Variants in XKR6 observed in about 807,000 individuals in gnomAD.
XKR6 encodes the protein XK-related protein 6.
A neutral mutation model predicts 56.7 loss-of-function variants in XKR6; 22 were observed. That is an observed-to-expected ratio of 0.39 (90% CI 0.28 to 0.55). XKR6 has a LOEUF of 0.55. XKR6 is among the 20% of genes least tolerant of loss of function. The probability of loss-of-function intolerance (pLI) is 0.66; values close to 1 mark genes in which losing one functional copy is unlikely to be tolerated. For missense variants in XKR6, 852 were observed against 889.0 expected, an observed-to-expected ratio of 0.96 and a Z score of 0.53; for synonymous variants, 524 against 387.8, an observed-to-expected ratio of 1.35 and a Z score of -4.13.
intron 1 of XKR6, among the ~76,000 whole-genome samples, chr8:10,962,972 T>C (rs1232877806): frequency 6.6e-6 from 1 of 152,224 alleles, no homozygotes; most frequent in Non-Finnish European, 1.5e-5. Flanking sequence ...TGGCCCCTTT[T>C]TGAATCTCTA....
At chr8:10,941,072 A>T (rs1457892169) in intron 1 of XKR6, among the ~76,000 whole-genome samples, 1 of 151,950 alleles carries the variant, frequency 6.6e-6, no homozygotes, top group Non-Finnish European at 1.5e-5. Flanking sequence ...CCTGGAGGAG[A>T]CTCAGTGGAG....
chr8:10,946,177 C>A (rs557019829), intron 1 of XKR6, among the ~76,000 whole-genome samples: 1 of 152,108 alleles, frequency 6.6e-6, no homozygotes, highest in South Asian at 2.1e-4. Flanking sequence ...TGCCGGGACC[C>A]AAGTAGCCTA....
intron 1 of XKR6, among the ~76,000 whole-genome samples, chr8:10,996,782 G>T (rs569806593): frequency 1.4e-4 from 21 of 152,112 alleles, no homozygotes; most frequent in Non-Finnish European, 2.4e-4. Context: ...AGGGGCCAAG[G>T]TGGGAGGATC....
chr8:11,099,543 T>C (rs1221106479), intron 1 of XKR6, among the ~76,000 whole-genome samples: 1 of 152,172 alleles, frequency 6.6e-6, no homozygotes. Flanking sequence ...AGTCGCTGGA[T>C]TTTTTTCATA....
chr8:11,078,114 C>T (rs1173548682), intron 1 of XKR6, among the ~76,000 whole-genome samples: 1 of 152,166 alleles, frequency 6.6e-6, no homozygotes, highest in African/African-American at 2.4e-5. Context: ...TGGTGCCTGA[C>T]TCTAGGATTT....
chr8:11,136,472 C>G (rs1800405800), intron 1 of XKR6, among the ~76,000 whole-genome samples: 1 of 151,008 alleles, frequency 6.6e-6, no homozygotes, highest in South Asian at 2.1e-4. Flanking sequence ...CCATTGCACT[C>G]CAGCCCGGGC....
chr8:10,944,388 G>C (rs993977317), intron 1 of XKR6, among the ~76,000 whole-genome samples: 3 of 152,218 alleles, frequency 2.0e-5, no homozygotes, highest in African/African-American at 4.8e-5. Flanking sequence ...GACGGTTTAA[G>C]AAAACAGAAA....
At chr8:10,922,194 G>A (rs554582214) in intron 2 of XKR6, among the ~76,000 whole-genome samples, 62 of 152,348 alleles carry the variant, frequency 4.1e-4, no homozygotes, top group African/African-American at 1.5e-3. Flanking sequence ...TGTTATAGTA[G>A]CACAAATGGG....
chr8:11,147,433 A>C (rs980677886), intron 1 of XKR6, among the ~76,000 whole-genome samples: 4 of 152,156 alleles, frequency 2.6e-5, no homozygotes, highest in Non-Finnish European at 5.9e-5. Context: ...TGGGAGGCTG[A>C]GGCAGGCAGA....
intron 1 of XKR6, among the ~76,000 whole-genome samples, chr8:10,955,344 C>T (rs991124329): frequency 1.3e-5 from 2 of 152,094 alleles, no homozygotes; most frequent in Non-Finnish European, 2.9e-5. Flanking sequence ...AGCTAATTTT[C>T]TTATTTTTTT....
intron 1 of XKR6, among the ~76,000 whole-genome samples, chr8:11,024,509 G>A (rs914284762): frequency 1.3e-5 from 2 of 152,284 alleles, no homozygotes; most frequent in African/African-American, 4.8e-5. Context: ...GTCAGTGGTA[G>A]CCATTACTTT....
chr8:11,154,125 T>A (rs1223868497), intron 1 of XKR6, among the ~76,000 whole-genome samples: 1 of 152,158 alleles, frequency 6.6e-6, no homozygotes, highest in African/African-American at 2.4e-5. Flanking sequence ...TGTCCTTGTT[T>A]AGGGTGGGGG....
At chr8:10,901,121 T>A (rs902541646) in intron 2 of XKR6, among the ~76,000 whole-genome samples, 1 of 150,554 alleles carries the variant, frequency 6.6e-6, no homozygotes, top group Non-Finnish European at 1.5e-5. Context: ...AGTGGCATGA[T>A]CTCCACTCAT....
intron 1 of XKR6, among the ~76,000 whole-genome samples, chr8:10,987,983 C>T (rs1443875330): frequency 1.3e-5 from 2 of 152,208 alleles, no homozygotes; most frequent in East Asian, 3.9e-4. Context: ...TGCTGTCCTT[C>T]CTACTTTGGA....
At chr8:11,111,093 A>T (rs1363492836) in intron 1 of XKR6, among the ~76,000 whole-genome samples, 2 of 142,476 alleles carry the variant, frequency 1.4e-5, no homozygotes, top group African/African-American at 5.2e-5. Context: ...TGACCTCGTG[A>T]TCTGCCCGCC....
intron 1 of XKR6, among the ~76,000 whole-genome samples, chr8:10,940,761 C>T (rs1801365108): frequency 6.7e-6 from 1 of 150,302 alleles, no homozygotes; most frequent in South Asian, 2.1e-4. Flanking sequence ...CCAGCTGTAC[C>T]CCGAGATGTC....
intron 1 of XKR6, among the ~76,000 whole-genome samples, chr8:11,117,491 C>G (rs1485737022): frequency 2.0e-5 from 3 of 152,208 alleles, no homozygotes; most frequent in Non-Finnish European, 4.4e-5. Context: ...GAGACAGCGG[C>G]TGGCCATTTG....
rs200086321 is a variant in XKR6 at position 10,898,214 on chromosome 8, G to C, written c.1664C>G (p.Thr555Arg). 6.2e-7 allele frequency: 1 copy of C among 1,614,150 alleles called. No homozygotes were observed. The highest frequency in any genetic ancestry group is 8.5e-7 in the Non-Finnish European group (1 of 1,180,012). The change falls in exon 3 of 3, where the codon ACG becomes AGG. Residue 555 changes from threonine (T) to arginine (R), a missense_variant. Thr to Arg is a moderately conservative substitution (Grantham distance 71). Around this residue, in one of 4 missense-constraint regions of XKR6, gnomAD observed 197 missense variants for 190.9 expected, o/e 1.03. Transcript: ENST00000416569. This position sits in a 1 kb window ranked among gnomAD's most constrained non-coding sequence, Gnocchi z 6.6. ...GAAAACAGGCAAGCAAGTGTCAGCC[G>C]TGAGATCCTCCTGTTGTTCCGTTAC... Reference protein sequence around the residue: ...RAVTEQQEDLTADTCLPVFQV... With the variant: ...RAVTEQQEDLRADTCLPVFQV...
chr8:11,117,995 T>C (rs959687363), intron 1 of XKR6, among the ~76,000 whole-genome samples: 1 of 152,050 alleles, frequency 6.6e-6, no homozygotes, highest in African/African-American at 2.4e-5. Flanking sequence ...AACAGACCGT[T>C]AGGAGAGGTA....
Sources: gnomAD v4.1 joint callset for allele counts (sites outside exome capture counted in the v4.1 genomes callset) on GRCh38, gnomAD v4.1.1 for gene constraint, gnomAD v4.1.1 regional missense constraint, Gnocchi (gnomAD v3.1) non-coding constraint, MANE v1.5 for transcripts, NCBI Gene and HGNC (gene_info 2026-07-23, HGNC 2026-07-21) for gene names.